Variants in PTPRD observed in about 807,000 individuals in gnomAD.
PTPRD encodes protein tyrosine phosphatase receptor type D, also known as receptor-type tyrosine-protein phosphatase delta.
A neutral mutation model predicts 214.5 loss-of-function variants in PTPRD; 34 were observed. The ratio of observed to expected loss-of-function variants is 0.16; its 90% CI spans 0.12 to 0.21. The LOEUF (loss-of-function observed/expected upper bound fraction) is 0.21, where lower values mean the gene tolerates loss of function less well. Among genes scored for constraint, PTPRD ranks in the 10% least tolerant of loss-of-function variants. PTPRD has a pLI of 1.00. For missense variants in PTPRD, 2,545 were observed against 2,398.7 expected (o/e 1.06, Z -1.27); for synonymous variants, 1,128 against 845.7 (o/e 1.33, Z -5.79).
chr9:9,068,839 T>C (rs1288947660), intron 10 of PTPRD, among the ~76,000 whole-genome samples: 1 of 152,148 alleles, frequency 6.6e-6, no homozygotes, highest in Non-Finnish European at 1.5e-5. Flanking sequence ...CTCGATCTCC[T>C]GACCTTGTGA....
Position 9,447,747 on chromosome 9 carries a change from G to C in PTPRD, c.-236-50265C>G, listed in dbSNP as rs2090926915. Among the ~76,000 whole-genome samples the C allele has an allele frequency of 2.0e-5, 3 of 152,054 alleles. 1 individual carries two copies. The South Asian group carries it at 6.2e-4, about 31-fold the overall frequency. The stretch of plus-strand genomic sequence containing the variant: ...GTGTCATTTGATTACAATTGCTATG[G>C]GGTGCTAGGGTACCTCAGTATGTGA... On this transcript the variant is annotated intron_variant, in intron 8 of 45. Coordinates refer to ENST00000381196, the MANE Select transcript of PTPRD (RefSeq NM_002839.4).
At chr9:8,911,865 C>T (rs1416046308) in intron 11 of PTPRD, among the ~76,000 whole-genome samples, 2 of 152,052 alleles carry the variant, frequency 1.3e-5, no homozygotes, top group Non-Finnish European at 2.9e-5. Context: ...CTTGAACAGA[C>T]ATTTTATCAA....
intron 11 of PTPRD, among the ~76,000 whole-genome samples, chr9:9,013,655 G>A (rs553367039): frequency 1.3e-5 from 2 of 152,082 alleles, no homozygotes; most frequent in Admixed American, 6.6e-5. Context: ...TAATGACCAA[G>A]TGTATGGGCA....
intron 12 of PTPRD, among the ~76,000 whole-genome samples, chr9:8,683,153 A>G (rs2154374264): frequency 6.6e-6 from 1 of 152,320 alleles, no homozygotes; most frequent in South Asian, 2.1e-4. Context: ...TTAAGAAGGC[A>G]TACCACTTTT....
At chr9:10,220,181 G>C (rs2099562669) in intron 3 of PTPRD, among the ~76,000 whole-genome samples, 1 of 151,744 alleles carries the variant, frequency 6.6e-6, no homozygotes, top group African/African-American at 2.4e-5. Context: ...TATAAATGTA[G>C]TGAATAATAA....
intron 7 of PTPRD, among the ~76,000 whole-genome samples, chr9:9,588,479 A>G (rs2092347530): frequency 6.6e-6 from 1 of 151,962 alleles, no homozygotes; most frequent in Non-Finnish European, 1.5e-5. Context: ...TTCATGTGCC[A>G]ATCCAAATTT....
At chr9:8,844,683 A>G (rs1307672802) in intron 11 of PTPRD, among the ~76,000 whole-genome samples, 1 of 152,232 alleles carries the variant, frequency 6.6e-6, no homozygotes, top group Non-Finnish European at 1.5e-5. Context: ...ATGGGTATAA[A>G]TAATACAAAA....
chr9:8,959,430 T>C (rs2099147893), intron 11 of PTPRD, among the ~76,000 whole-genome samples: 1 of 151,762 alleles, frequency 6.6e-6, no homozygotes, highest in Non-Finnish European at 1.5e-5. Flanking sequence ...GGACAAAAAA[T>C]GGAGTGTAAT....
Position 8,755,307 on chromosome 9 carries a change from AT to A in PTPRD, c.-103-21362del, listed in dbSNP as rs375657440. Among the ~76,000 whole-genome samples the A allele has an allele frequency of 7.2e-4, 109 of 152,130 alleles. No individual in the cohort carries two copies. The East Asian group carries it at 0.014, about 19-fold the overall frequency. The stretch of plus-strand genomic sequence containing the variant: ...CACTTTGGGAGGCCGAGGTGGACGG[AT>A]CACATGAGGTCAGGAGTTCGAGGCC... On this transcript the variant is annotated intron_variant, in intron 11 of 45. Coordinates refer to ENST00000381196, the MANE Select transcript of PTPRD (RefSeq NM_002839.4).
chr9:9,510,715 G>T (rs143513388), intron 8 of PTPRD, among the ~76,000 whole-genome samples: 32 of 150,664 alleles, frequency 2.1e-4, no homozygotes, highest in African/African-American at 7.5e-4. Context: ...CTATTTGGGC[G>T]GCCTCACCAT....
intron 9 of PTPRD, among the ~76,000 whole-genome samples, chr9:9,267,608 G>A (rs1257813066): frequency 6.6e-6 from 1 of 151,126 alleles, no homozygotes; most frequent in Admixed American, 6.6e-5. Context: ...TATCCCTGGT[G>A]AGCATAGATA....
At chr9:8,841,530 T>C (rs1290152540) in intron 11 of PTPRD, among the ~76,000 whole-genome samples, 1 of 152,204 alleles carries the variant, frequency 6.6e-6, no homozygotes, top group Non-Finnish European at 1.5e-5. Flanking sequence ...CCCTCAGCAT[T>C]GTATAAATAC....
intron 2 of PTPRD, among the ~76,000 whole-genome samples, chr9:10,378,529 G>T: frequency 6.6e-6 from 1 of 152,026 alleles, no homozygotes; most frequent in Non-Finnish European, 1.5e-5. Flanking sequence ...TCATTCTTCT[G>T]CATGTGAATA....
chr9:8,969,004 T>A (rs562382093), intron 11 of PTPRD, among the ~76,000 whole-genome samples: 38 of 152,034 alleles, frequency 2.5e-4, no homozygotes, highest in African/African-American at 8.0e-4. Context: ...ATTAAGCAAG[T>A]CCGATTAATT....
intron 2 of PTPRD, among the ~76,000 whole-genome samples, chr9:10,439,452 C>T (rs921513026): frequency 2.6e-5 from 4 of 151,636 alleles, no homozygotes; most frequent in African/African-American, 9.7e-5. Context: ...GGAAGATAAA[C>T]AGGATTGTTA....
At chr9:9,095,871 G>C (rs1232803835) in intron 10 of PTPRD, among the ~76,000 whole-genome samples, 1 of 152,050 alleles carries the variant, frequency 6.6e-6, no homozygotes, top group Non-Finnish European at 1.5e-5. Context: ...TGAACAAATG[G>C]ATTAAAAACC....
intron 8 of PTPRD, among the ~76,000 whole-genome samples, chr9:9,552,335 G>T (rs372465499): frequency 1.3e-5 from 2 of 151,898 alleles, no homozygotes; most frequent in African/African-American, 2.4e-5. Flanking sequence ...GGATAATTTC[G>T]CAGTCAATTG....
At chr9:10,342,369 T>C (rs1338703462) in intron 2 of PTPRD, among the ~76,000 whole-genome samples, 1 of 152,100 alleles carries the variant, frequency 6.6e-6, no homozygotes, top group Non-Finnish European at 1.5e-5. Context: ...TCTAAAAACT[T>C]CAATACTATT....
At chr9:10,103,398 T>TATATATATATATATA (rs1416027194) in intron 3 of PTPRD, among the ~76,000 whole-genome samples, 18 of 143,088 alleles carry the variant, frequency 1.3e-4, no homozygotes, top group African/African-American at 2.6e-4. Context: ...TATATATTTA[T>TATATATATATATATA]TTAAGAGCAT....
Sources: allele counts gnomAD v4.1 joint callset (sites outside exome capture counted in the v4.1 genomes callset), GRCh38; gene constraint gnomAD v4.1.1; transcripts MANE v1.5; gene names NCBI Gene and HGNC (gene_info 2026-07-23, HGNC 2026-07-21).